Variants in ZNF491 observed in about 807,000 individuals in gnomAD.
ZNF491 encodes the protein zinc finger protein 491.
ZNF491 carries 22 observed loss-of-function variants against 34.7 expected under a neutral mutation model. The observed-to-expected ratio is 0.63, with a 90% CI of 0.45 to 0.90. The LOEUF is 0.90. ZNF491 is among the 40% of genes least tolerant of loss of function. The probability of loss-of-function intolerance (pLI) is 0.00; values close to 1 mark genes in which losing one functional copy is unlikely to be tolerated. For missense variants in ZNF491, 559 were observed against 531.7 expected (o/e 1.05, Z -0.51); for synonymous variants, 148 against 174.3 (o/e 0.85, Z 1.19).
At chr19:11,801,427 C>T (rs1381370702) in intron 1 of ZNF491, among the ~76,000 whole-genome samples, 3 of 151,940 alleles carry the variant, frequency 2.0e-5, no homozygotes, top group East Asian at 1.9e-4. Flanking sequence ...GAGGCTGAGG[C>T]GGGTGGATCA....
chr19:11,807,354 C>T lies in ZNF491; in HGVS notation c.*87C>T. ...TTGGTCTTGAACTCCTGGCCTCAAG[C>T]ATCCCTCCCAGCTTGAAGTGTCAAT... is the stretch of plus-strand genomic sequence containing the variant. On this transcript the variant is annotated 3_prime_UTR_variant, in exon 3 of 3. Transcript: ENST00000323169. 1.1e-6 allele frequency: 1 copy of T among 929,230 alleles called. No individual in the cohort carries two copies. Among genetic ancestry groups the T allele is most frequent in the Non-Finnish European group, 1.5e-6 (1 of 646,248 alleles). 57.6% of individuals were successfully genotyped at this position (929,230 alleles called of 1,614,324 possible).
Position 11,808,236 on chromosome 19 carries a change from G to C in ZNF491, c.*969G>C, listed in dbSNP as rs1051997361. ...ATCTCTACTAAAAGTACCAAAGTTA[G>C]CCGGGTGTGGTGGTGGATACCTGTA... On this transcript the variant is annotated 3_prime_UTR_variant, in exon 3 of 3. Coordinates refer to ENST00000323169, the MANE Select transcript of ZNF491 (RefSeq NM_152356.4). The C allele has an allele frequency of 6.2e-5, 10 of 161,904 alleles. No individual in the cohort carries two copies. The highest frequency in any genetic ancestry group is 2.2e-4 in the African/African-American group (9 of 41,530). 10.0% of individuals were successfully genotyped at this position (161,904 alleles called of 1,614,324 possible).
intron 2 of ZNF491, 147 bp from the exon 3 acceptor site, chr19:11,805,800 T>A (rs1975603416): frequency 3.0e-6 from 2 of 658,788 alleles, no homozygotes; most frequent in Non-Finnish European, 2.5e-6. Context: ...TGTGTTATGA[T>A]CACACCACTG....
rs376445091 is a variant in ZNF491 at position 11,806,147 on chromosome 19, A to G, written c.194A>G (p.His65Arg). The G allele has an allele frequency of 8.1e-6, 13 of 1,613,892 alleles. No individual in the cohort carries two copies. Among genetic ancestry groups the G allele is most frequent in the African/African-American group, 4.0e-5 (3 of 74,950 alleles). ...AGAACTGACACTGGACACCAACCAC[A>G]TAAGTGTCAGAAATTTTTAGAGAAG... The part of the protein sequence containing the change: ...NIRTDTGHQP[H>R]KCQKFLEKPY... Residue 65 changes from histidine to arginine, a missense_variant, in exon 3 of 3, where the codon CAT becomes CGT. By Grantham distance (29) the His-to-Arg change is conservative. Coordinates refer to ENST00000323169, the MANE Select transcript of ZNF491 (RefSeq NM_152356.4).
chr19:11,800,903 A>C (rs1215304719), intron 1 of ZNF491, among the ~76,000 whole-genome samples: 1 of 151,924 alleles, frequency 6.6e-6, no homozygotes, highest in Non-Finnish European at 1.5e-5. Flanking sequence ...ATGGTGTCAT[A>C]TTCCTGTAGT....
rs1236024712 is a variant in ZNF491 at position 11,805,067 on chromosome 19, T to A, written c.-8+400T>A. Among the ~76,000 whole-genome samples, 7 of 152,298 alleles carry A rather than the reference T, an allele frequency of 4.6e-5. No individual in the cohort carries two copies. The East Asian group carries it at 1.3e-3, about 29-fold the overall frequency. Reference sequence around the variant, plus strand: ...TTTTCTCGAAAAACATATATTTCAATGTGATATAGAGGTTTAATGTTCATA... The same window carrying A: ...TTTTCTCGAAAAACATATATTTCAAAGTGATATAGAGGTTTAATGTTCATA... On this transcript the variant is annotated intron_variant, in intron 2 of 2. Coordinates refer to ENST00000323169, the MANE Select transcript of ZNF491 (RefSeq NM_152356.4).
chr19:11,800,989 G>C (rs909262990), intron 1 of ZNF491, among the ~76,000 whole-genome samples: 1 of 151,964 alleles, frequency 6.6e-6, no homozygotes, highest in Non-Finnish European at 1.5e-5. Context: ...AGTGAGCCTT[G>C]AGGGCACCAC....
chr19:11,805,184 C>T (rs554801897), intron 2 of ZNF491, among the ~76,000 whole-genome samples: 9 of 151,082 alleles, frequency 6.0e-5, no homozygotes, highest in Non-Finnish European at 1.2e-4. Context: ...CCAAGGTGGG[C>T]GGATCACCTG....
At chr19:11,799,566 C>T (rs1975536370) in intron 1 of ZNF491, among the ~76,000 whole-genome samples, 1 of 133,096 alleles carries the variant, frequency 7.5e-6, no homozygotes, top group Non-Finnish European at 1.5e-5. Context: ...GTATATTTAA[C>T]ATTCCAGCGT....
intron 2 of ZNF491, among the ~76,000 whole-genome samples, chr19:11,805,334 G>A (rs143151163): frequency 1.4e-3 from 206 of 150,672 alleles, no homozygotes; most frequent in African/African-American, 4.2e-3. Context: ...GCTTGAATCC[G>A]GGAGGTGGAG....
At chr19:11,803,911 A>G (rs1320955899) in intron 1 of ZNF491, among the ~76,000 whole-genome samples, 1 of 152,120 alleles carries the variant, frequency 6.6e-6, no homozygotes, top group East Asian at 1.9e-4. Context: ...TGGGAAGTCT[A>G]AGATCAAGGC....
Position 11,807,405 on chromosome 19 carries a change from T to A in ZNF491, c.*138T>A. On this transcript the variant is annotated 3_prime_UTR_variant, in exon 3 of 3. Transcript: ENST00000323169. ...AAAGGAAGGCAATAAAATGTAGAGA[T>A]GGAGTTAGGTGATGCCACGCTGGGA... is the stretch of plus-strand genomic sequence containing the variant. The A allele has an allele frequency of 1.7e-6, 1 of 591,792 alleles. No homozygotes were observed. The highest frequency in any genetic ancestry group is 2.8e-6 in the Non-Finnish European group (1 of 357,056). The allele number at this position is 591,792 out of a possible 1,614,324, so 36.7% of individuals were successfully genotyped here. A position where few individuals can be genotyped will look rare whatever the true frequency, so the allele number is the denominator to read the frequency against.
rs1000701445 is a variant in ZNF491, at chr19:11,798,994, C to T, written c.-134+267C>T. On this transcript the variant is annotated intron_variant, in intron 1 of 2. Coordinates refer to ENST00000323169, the MANE Select transcript of ZNF491 (RefSeq NM_152356.4). The surrounding 1 kb of genome is among the most constrained non-coding windows in gnomAD (Gnocchi z 4.0). ...TCTCTGGGCAGCTCCGCGCCCGCAG[C>T]CCGGCGTCTTCCCAGATTGTGCGGG... The T allele has an allele frequency of 9.8e-5, 15 of 152,592 alleles. No homozygotes were observed. Among genetic ancestry groups the T allele is most frequent in the African/African-American group, 3.1e-4 (13 of 41,462 alleles). The allele number at this position is 152,592 out of a possible 1,614,324, so 9.5% of individuals were successfully genotyped here.
chr19:11,801,618 G>A (rs1975560576), intron 1 of ZNF491, among the ~76,000 whole-genome samples: 1 of 152,158 alleles, frequency 6.6e-6, no homozygotes, highest in Non-Finnish European at 1.5e-5. Context: ...TCGCGCCATT[G>A]CCCATATTTT....
Position 11,807,262 on chromosome 19 carries a change from A to G in ZNF491, c.1309A>G (p.Ile437Val). 6.6e-7 allele frequency: 1 copy of G among 1,522,092 alleles called. No homozygotes were observed. The highest frequency in any genetic ancestry group is 8.8e-7 in the Non-Finnish European group (1 of 1,138,978). The allele number at this position is 1,522,092 out of a possible 1,614,324, so 94.3% of individuals were successfully genotyped here. A position where few individuals can be genotyped will look rare whatever the true frequency, so the allele number is the denominator to read the frequency against. ...ACATGAAAGAACTCACACTATTAAT[A>G]TATGAGAGAAATGCTATTTTTTAAT... ...RKHERTHTIN[I>V] is the part of the protein sequence containing the mutation. Residue 437 changes from isoleucine to valine, a missense_variant, in exon 3 of 3, where the codon ATA becomes GTA. Physicochemically the swap from Ile to Val is conservative, Grantham distance 29. Transcript: ENST00000323169.
intron 1 of ZNF491, among the ~76,000 whole-genome samples, chr19:11,799,850 T>G (rs1351148802): frequency 1.3e-5 from 2 of 151,980 alleles, no homozygotes; most frequent in Non-Finnish European, 2.9e-5. Flanking sequence ...AGACAATCGC[T>G]TGAACGCAGG....
chr19:11,803,657 A>G (rs978811749), intron 1 of ZNF491, among the ~76,000 whole-genome samples: 1 of 152,162 alleles, frequency 6.6e-6, no homozygotes. Context: ...AATTTTTCTC[A>G]TGATTAGACT....
Position 11,804,659 on chromosome 19 carries a change from T to G in ZNF491, c.-16T>G. ...ATGCAGGAAACCTTCACGAACCTCA[T>G]CTGTATAGGTAGGGGTGACAATATT... is the stretch of plus-strand genomic sequence containing the variant. On this transcript the variant is annotated 5_prime_UTR_variant, in exon 2 of 3. Coordinates refer to ENST00000323169, the MANE Select transcript of ZNF491 (RefSeq NM_152356.4). The G allele has an allele frequency of 4.3e-6, 6 of 1,386,720 alleles. No homozygotes were observed. The highest frequency in any genetic ancestry group is 5.7e-6 in the Non-Finnish European group (6 of 1,052,088). The allele number at this position is 1,386,720 out of a possible 1,614,324, so 85.9% of individuals were successfully genotyped here.
intron 1 of ZNF491, among the ~76,000 whole-genome samples, chr19:11,804,274 C>T (rs931337438): frequency 4.7e-5 from 7 of 150,132 alleles, no homozygotes; most frequent in South Asian, 2.1e-4. Flanking sequence ...GTCCATTCCT[C>T]ATGAACTCCA....
Sources: gnomAD v4.1 joint callset for allele counts (sites outside exome capture counted in the v4.1 genomes callset) on GRCh38, gnomAD v4.1.1 for gene constraint, Gnocchi (gnomAD v3.1) non-coding constraint, MANE v1.5 for transcripts, NCBI Gene and HGNC (gene_info 2026-07-23, HGNC 2026-07-21) for gene names.